Variants in SMYD3 observed in about 807,000 individuals in gnomAD.
The protein encoded by SMYD3 is histone-lysine N-methyltransferase SMYD3.
In SMYD3, 36 loss-of-function variants were observed where a neutral mutation model predicts 57.7. The ratio of observed to expected loss-of-function variants is 0.62; its 90% confidence interval spans 0.48 to 0.82. The LOEUF (loss-of-function observed/expected upper bound fraction) is 0.82, where lower values mean the gene tolerates loss of function less well. Ranked by LOEUF, SMYD3 falls within the 40% of genes least tolerant of loss-of-function variation. The pLI is 0.00. For missense variants in SMYD3, 515 were observed against 538.8 expected (o/e 0.96, Z 0.44); for synonymous variants, 211 against 195.0 (o/e 1.08, Z -0.68).
Position 246,375,602 on chromosome 1 carries a change from C to T in SMYD3, c.165-20508G>A, listed in dbSNP as rs73147158. Among the ~76,000 whole-genome samples the T allele has an allele frequency of 1.9e-3, 290 of 152,298 alleles. 2 individuals are homozygous for T. The highest frequency in any genetic ancestry group is 6.9e-3 in the African/African-American group (286 of 41,564). ...CTACATTCTAGCATACCAAGTCTTACATATGCTGCTTATTTTCTAGTCAAA... is the reference window on the plus strand; with the variant it reads ...CTACATTCTAGCATACCAAGTCTTATATATGCTGCTTATTTTCTAGTCAAA... On this transcript the variant is annotated intron_variant, in intron 1 of 11. Coordinates refer to ENST00000490107, the MANE Select transcript of SMYD3 (RefSeq NM_001167740.2).
chr1:245,912,477 G>A (rs1366705142), intron 8 of SMYD3, among the ~76,000 whole-genome samples: 3 of 151,950 alleles, frequency 2.0e-5, no homozygotes, highest in East Asian at 3.8e-4. Context: ...AAATACCAAC[G>A]ATATTCTTCA....
chr1:245,988,107 A>AACACACACACAC (rs35432668), intron 5 of SMYD3, among the ~76,000 whole-genome samples: 2 of 148,686 alleles, frequency 1.3e-5, no homozygotes, highest in African/African-American at 5.0e-5. Flanking sequence ...AACCAAACCA[A>AACACACACACAC]ACACACACAC....
intron 9 of SMYD3, among the ~76,000 whole-genome samples, chr1:245,859,651 G>C (rs1379928381): frequency 6.6e-6 from 1 of 152,198 alleles, no homozygotes; most frequent in Non-Finnish European, 1.5e-5. Context: ...TGTTAGGCGA[G>C]CTGGAGACCA....
chr1:246,307,629 C>T (rs1182360712), intron 5 of SMYD3, among the ~76,000 whole-genome samples: 1 of 151,910 alleles, frequency 6.6e-6, no homozygotes, highest in Non-Finnish European at 1.5e-5. Flanking sequence ...CCGTTTTAGC[C>T]GGGATGGTCT....
At chr1:245,855,698 G>A (rs181510593) in intron 10 of SMYD3, among the ~76,000 whole-genome samples, 29 of 152,244 alleles carry the variant, frequency 1.9e-4, no homozygotes, top group Middle Eastern at 3.4e-3. Flanking sequence ...GTTGAGTTGC[G>A]TCATAAAAAC....
At chr1:246,169,638 G>C (rs1344687480) in intron 5 of SMYD3, among the ~76,000 whole-genome samples, 1 of 152,076 alleles carries the variant, frequency 6.6e-6, no homozygotes. Context: ...GCCGGGTGCG[G>C]TGGCTCGGGC....
intron 11 of SMYD3, among the ~76,000 whole-genome samples, chr1:245,762,203 G>A (rs916829876): frequency 6.6e-6 from 1 of 152,112 alleles, no homozygotes; most frequent in Non-Finnish European, 1.5e-5. Context: ...CCAAACCTGA[G>A]CGCCTTCACT....
Position 246,272,809 on chromosome 1 carries a change from T to C in SMYD3, c.531+54392A>G, listed in dbSNP as rs1193821192. The stretch of plus-strand genomic sequence containing the variant: ...TAATGTTGGCCTCATAATAAAAGCA[T>C]TAGGAAGTATTTCTTCCTCTTCAAT... On this transcript the variant is annotated intron_variant, in intron 5 of 11. Transcript: ENST00000490107. Among the ~76,000 whole-genome samples, 3 of 152,186 alleles carry C rather than the reference T, an allele frequency of 2.0e-5. No homozygotes were observed. The East Asian group carries it at 5.8e-4, about 29-fold the overall frequency.
chr1:246,016,590 GAAGAAAAAAA>G (rs1431520118), intron 5 of SMYD3, among the ~76,000 whole-genome samples: 2 of 150,900 alleles, frequency 1.3e-5, no homozygotes, highest in African/African-American at 2.4e-5. Context: ...TCTCAAAAAA[GAAGAAAAAAA>G]AAGAAAAAGA....
intron 1 of SMYD3, among the ~76,000 whole-genome samples, chr1:246,376,485 G>C (rs868824740): frequency 9.9e-5 from 15 of 151,314 alleles, no homozygotes; most frequent in African/African-American, 3.6e-4. Context: ...CAGCTACTTG[G>C]GAGGCTGAGG....
intron 5 of SMYD3, chr1:245,955,845 A>G (rs1032562220): frequency 2.3e-5 from 17 of 735,568 alleles, no homozygotes; most frequent in Non-Finnish European, 2.6e-5. Context: ...ATGGAATCAT[A>G]CTGCATTGAT....
At chr1:246,096,852 CA>C (rs1348256778) in intron 5 of SMYD3, among the ~76,000 whole-genome samples, 1 of 152,186 alleles carries the variant, frequency 6.6e-6, no homozygotes, top group Non-Finnish European at 1.5e-5. Flanking sequence ...ACATGTGCAA[CA>C]ACCACCAAAT....
rs2065269878 is a variant in SMYD3, at chr1:246,322,713, CTAAGTT to C, written c.531+4482_531+4487del. 1.3e-5 allele frequency among the ~76,000 whole-genome samples: 2 copies of C among 152,150 alleles called. 1 individual carries two copies. Among genetic ancestry groups the C allele is most frequent in the Non-Finnish European group, 2.9e-5 (2 of 68,030 alleles). On this transcript the variant is annotated intron_variant, in intron 5 of 11. Transcript: ENST00000490107. ...ACACACTCCCCAGGGAACATACAATCTAAGTTTTTTAAAAAAAACAAAACTATCCAA... is the reference window on the plus strand; with the variant it reads ...ACACACTCCCCAGGGAACATACAATCTTTTAAAAAAAACAAAACTATCCAA...
chr1:245,896,133 C>T (rs1184825141), intron 8 of SMYD3, among the ~76,000 whole-genome samples: 2 of 152,062 alleles, frequency 1.3e-5, no homozygotes, highest in African/African-American at 4.8e-5. Flanking sequence ...GATATAGATC[C>T]CCTGCTCCAC....
chr1:246,290,945 G>A (rs914627409), intron 5 of SMYD3, among the ~76,000 whole-genome samples: 1 of 151,864 alleles, frequency 6.6e-6, no homozygotes, highest in African/African-American at 2.4e-5. Flanking sequence ...AAACATGCCA[G>A]TTTCAACAAT....
chr1:245,767,285 G>A lies in SMYD3; in HGVS notation c.1077-3136C>T, dbSNP rs1194732460. 2.0e-5 allele frequency among the ~76,000 whole-genome samples: 3 copies of A among 152,190 alleles called. No homozygotes were observed. In the East Asian group the frequency reaches 5.8e-4, roughly 29 times the overall value. The stretch of plus-strand genomic sequence containing the variant: ...TCCAAGGACCGTGAGGACTAAAGCA[G>A]GAGTCTGAGTGAGAAGGTGAGGGGA... On this transcript the variant is annotated intron_variant, in intron 10 of 11. Coordinates refer to ENST00000490107, the MANE Select transcript of SMYD3 (RefSeq NM_001167740.2).
At chr1:245,934,777 A>G (rs2056908215) in intron 5 of SMYD3, among the ~76,000 whole-genome samples, 2 of 151,976 alleles carry the variant, frequency 1.3e-5, no homozygotes, top group African/African-American at 4.8e-5. Flanking sequence ...AAAAAAATCC[A>G]TAATAGAAAC....
intron 5 of SMYD3, among the ~76,000 whole-genome samples, chr1:246,059,699 G>GT (rs1267871742): frequency 2.6e-4 from 39 of 152,142 alleles, no homozygotes; most frequent in Non-Finnish European, 7.4e-5. Flanking sequence ...AAAAAGGCAA[G>GT]TAAGATACGA....
At chr1:245,789,847 AT>A (rs1301229025) in intron 10 of SMYD3, among the ~76,000 whole-genome samples, 1 of 152,216 alleles carries the variant, frequency 6.6e-6, no homozygotes, top group Non-Finnish European at 1.5e-5. Context: ...TTAAAGAAAA[AT>A]TCCATCTCTG....
Sources: gnomAD v4.1 joint callset for allele counts (sites outside exome capture counted in the v4.1 genomes callset) on GRCh38, gnomAD v4.1.1 for gene constraint, MANE v1.5 for transcripts, NCBI Gene and HGNC (gene_info 2026-07-23, HGNC 2026-07-21) for gene names.